ESRRG: variants seen among roughly 807,000 people sequenced by gnomAD.
ESRRG encodes the protein estrogen-related receptor gamma.
In ESRRG, 13 loss-of-function variants were observed where a neutral mutation model predicts 44.0. That is an observed-to-expected ratio of 0.30 (90% CI 0.19 to 0.47). The LOEUF is 0.47. ESRRG is among the 20% of genes least tolerant of loss of function. The pLI is 1.00. For missense variants in ESRRG, 395 were observed against 580.6 expected (o/e 0.68, Z 3.29); for synonymous variants, 215 against 214.6 (o/e 1.00, Z -0.02).
chr1:216,913,634 G>A (rs1182208208), intron 2 of ESRRG, among the ~76,000 whole-genome samples: 3 of 152,240 alleles, frequency 2.0e-5, no homozygotes, highest in Non-Finnish European at 2.9e-5. Flanking sequence ...GGCCCTTGCC[G>A]ATTCCTCAAG....
chr1:217,110,394 C>T (rs897939529), intron 1 of ESRRG, among the ~76,000 whole-genome samples: 1 of 152,156 alleles, frequency 6.6e-6, no homozygotes, highest in African/African-American at 2.4e-5. Flanking sequence ...ACAACCATAG[C>T]AAACCATTGC....
chr1:216,828,440 C>T (rs897978651), intron 2 of ESRRG, among the ~76,000 whole-genome samples: 5 of 152,128 alleles, frequency 3.3e-5, no homozygotes, highest in Non-Finnish European at 7.3e-5. Flanking sequence ...GTTACCACAT[C>T]TGCCTGGTGG....
intron 2 of ESRRG, among the ~76,000 whole-genome samples, chr1:216,738,993 G>C (rs940806491): frequency 2.6e-5 from 4 of 152,104 alleles, no homozygotes; most frequent in Admixed American, 2.6e-4. Context: ...TGGGATTACA[G>C]GTATGTCCCA....
intron 1 of ESRRG, among the ~76,000 whole-genome samples, chr1:217,014,628 T>C (rs2079083835): frequency 6.6e-6 from 1 of 152,138 alleles, no homozygotes; most frequent in Admixed American, 6.6e-5. Context: ...ATTCAACTAG[T>C]GTGACCATGG....
chr1:216,547,864 C>A (rs137997507), intron 5 of ESRRG, among the ~76,000 whole-genome samples: 137 of 152,088 alleles, frequency 9.0e-4, no homozygotes, highest in Middle Eastern at 6.8e-3. Context: ...GATGAAAAAG[C>A]AAATTAAACA....
intron 2 of ESRRG, among the ~76,000 whole-genome samples, chr1:216,774,341 T>G (rs2093507822): frequency 6.6e-6 from 1 of 152,110 alleles, no homozygotes; most frequent in African/African-American, 2.4e-5. Context: ...TTAGCCTGTA[T>G]TAGAGTGCTG....
At chr1:217,086,946 C>T (rs538826050) in intron 1 of ESRRG, among the ~76,000 whole-genome samples, 2 of 152,086 alleles carry the variant, frequency 1.3e-5, no homozygotes, top group Admixed American at 6.5e-5. Context: ...ACTAAAGCTA[C>T]TTGTATTGAC....
chr1:217,047,970 G>A (rs1015917338), intron 1 of ESRRG, among the ~76,000 whole-genome samples: 1 of 152,194 alleles, frequency 6.6e-6, no homozygotes, highest in Non-Finnish European at 1.5e-5. Context: ...AGAGGTAGCT[G>A]TAGCAGACCA....
At chr1:216,620,099 A>T (rs2061986342) in intron 3 of ESRRG, among the ~76,000 whole-genome samples, 1 of 152,166 alleles carries the variant, frequency 6.6e-6, no homozygotes, top group South Asian at 2.1e-4. Flanking sequence ...CTAATAGCAA[A>T]GAATATAGTG....
At chr1:216,888,898 C>G (rs2057403573) in intron 2 of ESRRG, among the ~76,000 whole-genome samples, 1 of 152,124 alleles carries the variant, frequency 6.6e-6, no homozygotes, top group African/African-American at 2.4e-5. Flanking sequence ...GAGGGAGATA[C>G]AAGTACTAAT....
upstream of ESRRG, among the ~76,000 whole-genome samples, chr1:216,724,105 C>G (rs955838021): frequency 2.6e-5 from 4 of 152,158 alleles, no homozygotes; most frequent in Non-Finnish European, 4.4e-5. Flanking sequence ...AGGTGGAATG[C>G]AGTTTTACAC....
chr1:216,804,334 G>A (rs2094717300), intron 2 of ESRRG, among the ~76,000 whole-genome samples: 1 of 152,104 alleles, frequency 6.6e-6, no homozygotes, highest in East Asian at 1.9e-4. Flanking sequence ...GCACAGAGTG[G>A]GGCTTGACTA....
At chr1:216,526,994 A>G (rs2047853270) in intron 5 of ESRRG, among the ~76,000 whole-genome samples, 1 of 152,220 alleles carries the variant, frequency 6.6e-6, no homozygotes. Flanking sequence ...CTACTGTGAC[A>G]AAGTTCAAAT....
chr1:216,631,085 GAAA>G (rs11287585), intron 3 of ESRRG, among the ~76,000 whole-genome samples: 7 of 134,736 alleles, frequency 5.2e-5, no homozygotes, highest in African/African-American at 1.9e-4. Context: ...AGAGGGAAAA[GAAA>G]AAAAAAAAAA....
intron 2 of ESRRG, among the ~76,000 whole-genome samples, chr1:216,740,038 GA>G (rs2090468727): frequency 1.3e-5 from 2 of 152,274 alleles, no homozygotes; most frequent in South Asian, 4.1e-4. Context: ...CTTTGCTGCT[GA>G]AGAACAGCCC....
At chr1:216,896,318 C>A (rs1577823454) in intron 2 of ESRRG, among the ~76,000 whole-genome samples, 2 of 152,236 alleles carry the variant, frequency 1.3e-5, no homozygotes, top group South Asian at 4.1e-4. Context: ...AATAAAGTAT[C>A]TTGAGAAAAC....
intron 1 of ESRRG, among the ~76,000 whole-genome samples, chr1:216,699,259 A>G (rs564537411): frequency 8.5e-5 from 13 of 152,198 alleles, no homozygotes; most frequent in Non-Finnish European, 1.9e-4. Flanking sequence ...GATTTATATT[A>G]TGGGTGATAA....
In ESRRG at chr1:216,595,947, T is replaced by A. The variant is rs147258921; in HGVS notation, c.590-27849A>T. 2.7e-3 allele frequency among the ~76,000 whole-genome samples: 406 copies of A among 152,346 alleles called. 2 individuals carry two copies. Among genetic ancestry groups the A allele is most frequent in the African/African-American group, 9.2e-3 (383 of 41,588 alleles). ...AAAGACAAGGGTTTATTGCCATGTT[T>A]CATATGCATGATTTTGATGCATGCT... On this transcript the variant is annotated intron_variant, in intron 3 of 6. Coordinates refer to ENST00000408911, the MANE Select transcript of ESRRG (RefSeq NM_001438.4).
chr1:216,832,347 A>G (rs12077440), intron 2 of ESRRG, among the ~76,000 whole-genome samples: 100,316 of 151,994 alleles, frequency 0.66, 33,481 homozygotes, highest in African/African-American at 0.72. Flanking sequence ...CTGAACTGAA[A>G]GTTCCTTTTG....
Sources: gnomAD v4.1 joint callset for allele counts (sites outside exome capture counted in the v4.1 genomes callset) on GRCh38, gnomAD v4.1.1 for gene constraint, MANE v1.5 for transcripts, NCBI Gene and HGNC (gene_info 2026-07-23, HGNC 2026-07-21) for gene names.